Variants in SENP7 observed in about 807,000 individuals in gnomAD.
The protein encoded by SENP7 is sentrin-specific protease 7.
SENP7 carries 64 observed loss-of-function variants against 141.2 expected under a neutral mutation model. That is an observed-to-expected ratio of 0.45 (90% CI 0.37 to 0.56). The LOEUF (loss-of-function observed/expected upper bound fraction) is 0.56. Ranked by LOEUF, SENP7 falls within the 20% of genes least tolerant of loss-of-function variation. The pLI, the probability that SENP7 is intolerant of heterozygous loss-of-function variation, is 0.00. For synonymous variants in SENP7, 382 were observed against 426.4 expected, an observed-to-expected ratio of 0.90 and a Z score of 1.28; for missense variants, 1,025 against 1,212.2, an observed-to-expected ratio of 0.85 and a Z score of 2.29.
At chr3:101,414,197 A>C in intron 5 of SENP7, 1 of 574,048 alleles carries the variant, frequency 1.7e-6, no homozygotes, top group Non-Finnish European at 3.1e-6. Context: ...ATGGCCGCAC[A>C]GCATGGGGCA....
chr3:101,408,165 A>C (rs1221181719), intron 5 of SENP7, among the ~76,000 whole-genome samples: 1 of 152,144 alleles, frequency 6.6e-6, no homozygotes, highest in Non-Finnish European at 1.5e-5. Flanking sequence ...TTATACTCAT[A>C]AACTAGAAAA....
At chr3:101,492,187 A>G (rs1310319014) in intron 3 of SENP7, among the ~76,000 whole-genome samples, 1 of 152,074 alleles carries the variant, frequency 6.6e-6, no homozygotes, top group Non-Finnish European at 1.5e-5. Context: ...CACCTAAGCA[A>G]CACAGCAAAA....
chr3:101,424,916 G>A (rs369825118), intron 4 of SENP7, among the ~76,000 whole-genome samples: 1 of 152,190 alleles, frequency 6.6e-6, no homozygotes, highest in East Asian at 1.9e-4. Context: ...CATAGTGTCA[G>A]TTTCCCCATA....
intron 3 of SENP7, among the ~76,000 whole-genome samples, chr3:101,463,802 A>G (rs1050320740): frequency 5.9e-5 from 9 of 151,962 alleles, no homozygotes; most frequent in African/African-American, 9.7e-5. Context: ...AACTTCATTT[A>G]TTTATTTACG....
intron 4 of SENP7, among the ~76,000 whole-genome samples, chr3:101,456,748 T>C (rs1243274688): frequency 1.3e-5 from 2 of 152,214 alleles, no homozygotes; most frequent in Non-Finnish European, 2.9e-5. Flanking sequence ...AGCATTCTTA[T>C]GGAAAAGTGA....
At chr3:101,496,114 C>G (rs952212216) in intron 2 of SENP7, among the ~76,000 whole-genome samples, 1 of 152,058 alleles carries the variant, frequency 6.6e-6, no homozygotes, top group Non-Finnish European at 1.5e-5. Flanking sequence ...TATAAACAGA[C>G]AAATAAACTA....
intron 6 of SENP7, among the ~76,000 whole-genome samples, chr3:101,384,112 G>A (rs1030667364): frequency 6.6e-6 from 1 of 152,222 alleles, no homozygotes; most frequent in African/African-American, 2.4e-5. Flanking sequence ...GCTGAGAGCT[G>A]TATACTCGAC....
intron 6 of SENP7, among the ~76,000 whole-genome samples, chr3:101,374,599 C>CACA (rs2060268057): frequency 6.7e-6 from 1 of 149,148 alleles, no homozygotes; most frequent in East Asian, 2.0e-4. Flanking sequence ...TTCACCCCAC[C>CACA]CACACACACA....
chr3:101,329,408 C>T (rs999463130), intron 20 of SENP7, among the ~76,000 whole-genome samples: 8 of 151,976 alleles, frequency 5.3e-5, no homozygotes, highest in African/African-American at 1.2e-4. Context: ...AGCCTTCCTC[C>T]GTAAGAAGTG....
chr3:101,359,861 G>T (rs1416094942), intron 11 of SENP7, among the ~76,000 whole-genome samples: 1 of 151,686 alleles, frequency 6.6e-6, no homozygotes, highest in Non-Finnish European at 1.5e-5. Context: ...GTGGTTTTTT[G>T]CTTGATCTTG....
chr3:101,444,335 G>T (rs889441962), intron 4 of SENP7, among the ~76,000 whole-genome samples: 1 of 151,638 alleles, frequency 6.6e-6, no homozygotes, highest in Non-Finnish European at 1.5e-5. Context: ...TCAGTGTGGC[G>T]ATTTCTCAGG....
At chr3:101,376,476 A>G (rs1464515441) in intron 6 of SENP7, among the ~76,000 whole-genome samples, 1 of 152,242 alleles carries the variant, frequency 6.6e-6, no homozygotes, top group Non-Finnish European at 1.5e-5. Flanking sequence ...ATACAGAGTA[A>G]CATCAACAAG....
chr3:101,406,138 T>C (rs9754948), intron 5 of SENP7, among the ~76,000 whole-genome samples: 60,405 of 152,064 alleles, frequency 0.4, 12,519 homozygotes, highest in Admixed American at 0.54. Flanking sequence ...TGCACACATA[T>C]GTTTATTGTT....
At chr3:101,395,618 C>A (rs2060945538) in intron 6 of SENP7, among the ~76,000 whole-genome samples, 1 of 152,090 alleles carries the variant, frequency 6.6e-6, no homozygotes. Flanking sequence ...TATTTGGGCT[C>A]TTTTTTAATT....
At chr3:101,326,694 C>A (rs1450725380) in intron 23 of SENP7, among the ~76,000 whole-genome samples, 1 of 152,132 alleles carries the variant, frequency 6.6e-6, no homozygotes, top group Non-Finnish European at 1.5e-5. Flanking sequence ...TGTCATTGTA[C>A]TTCTCCAGCT....
In SENP7 at chr3:101,493,900, G is replaced by C. The variant is rs770720748; in HGVS notation, c.159C>G (p.Ser53Arg). 1 of 1,608,070 alleles carries C rather than the reference G, an allele frequency of 6.2e-7. No homozygotes were observed. The highest frequency in any genetic ancestry group is 8.5e-7 in the Non-Finnish European group (1 of 1,175,536). ...HVQSPLSKFR[S>R]SERWTLPLQW... The stretch of plus-strand genomic sequence containing the variant: ...GCAAAGGGAGAGTCCAGCGTTCTGA[G>C]CTTCTGAATTTGGACAGTGGTGATT... Residue 53 changes from serine to arginine, a missense_variant, in exon 3 of 24, where the codon AGC (serine) becomes AGG (arginine). Around this residue, in one of 4 missense-constraint regions of SENP7, gnomAD observed 496 missense variants for 503.5 expected, o/e 0.99. Coordinates refer to ENST00000394095, the MANE Select transcript of SENP7 (RefSeq NM_020654.5).
intron 17 of SENP7, 175 bp from the exon 18 acceptor site, chr3:101,333,037 T>C: frequency 1.8e-6 from 1 of 569,594 alleles, no homozygotes; most frequent in Non-Finnish European, 2.8e-6. Flanking sequence ...CTGGTTATTC[T>C]TAAATTTAAT....
At chr3:101,495,948 C>T (rs1213328827) in intron 2 of SENP7, among the ~76,000 whole-genome samples, 4 of 152,190 alleles carry the variant, frequency 2.6e-5, no homozygotes, top group Non-Finnish European at 5.9e-5. Context: ...TTATGCCTAA[C>T]ACAGTGTCCA....
At chr3:101,466,892 C>T (rs1044034894) in intron 3 of SENP7, among the ~76,000 whole-genome samples, 5 of 152,152 alleles carry the variant, frequency 3.3e-5, no homozygotes, top group Admixed American at 2.0e-4. Flanking sequence ...TCGCCTCACC[C>T]GGGAAGTGCA....
Sources: gnomAD v4.1 joint callset for allele counts (sites outside exome capture counted in the v4.1 genomes callset) on GRCh38, gnomAD v4.1.1 for gene constraint, gnomAD v4.1.1 regional missense constraint, MANE v1.5 for transcripts, NCBI Gene and HGNC (gene_info 2026-07-23, HGNC 2026-07-21) for gene names.